DLG2: variants seen among roughly 807,000 people sequenced by gnomAD.
DLG2 encodes the protein discs large MAGUK scaffold protein 2, also known as disks large homolog 2.
A neutral mutation model predicts 132.5 loss-of-function variants in DLG2; 45 were observed. The ratio of observed to expected loss-of-function variants is 0.34; its 90% CI spans 0.27 to 0.44. The LOEUF (loss-of-function observed/expected upper bound fraction) is 0.44. Ranked by LOEUF, DLG2 falls within the 20% of genes least tolerant of loss-of-function variation. The probability of loss-of-function intolerance (pLI) is 1.00; values close to 1 mark genes in which losing one functional copy is unlikely to be tolerated. For synonymous variants in DLG2, 424 were observed against 419.6 expected, an observed-to-expected ratio of 1.01 and a Z score of -0.13; for missense variants, 1,045 against 1,196.9, an observed-to-expected ratio of 0.87 and a Z score of 1.87.
intron 11 of DLG2, among the ~76,000 whole-genome samples, chr11:84,057,205 A>G (rs2096518903): frequency 6.6e-6 from 1 of 152,098 alleles, no homozygotes; most frequent in Non-Finnish European, 1.5e-5. Flanking sequence ...AAGATCTAAA[A>G]TATGTGTTCT....
chr11:85,254,669 G>A (rs1241127502), intron 4 of DLG2, among the ~76,000 whole-genome samples: 1 of 152,164 alleles, frequency 6.6e-6, no homozygotes, highest in Non-Finnish European at 1.5e-5. Flanking sequence ...TTATAACTGA[G>A]GAAATTCATT....
At chr11:84,994,998 A>C (rs1474005049) in intron 6 of DLG2, among the ~76,000 whole-genome samples, 1 of 152,110 alleles carries the variant, frequency 6.6e-6, no homozygotes, top group East Asian at 1.9e-4. Context: ...GAATGCAAGA[A>C]ATCTCCTAGG....
At chr11:85,585,894 GT>G (rs1333542039) in intron 3 of DLG2, among the ~76,000 whole-genome samples, 1 of 151,800 alleles carries the variant, frequency 6.6e-6, no homozygotes, top group South Asian at 2.1e-4. Context: ...TTTTGTATAT[GT>G]TTTTTGTAGT....
chr11:83,999,380 A>G (rs1281683186), intron 11 of DLG2, among the ~76,000 whole-genome samples: 2 of 152,158 alleles, frequency 1.3e-5, no homozygotes, highest in South Asian at 2.1e-4. Flanking sequence ...AGCCCAGCCC[A>G]TCACAGCCAC....
chr11:83,893,852 A>T (rs753373193), intron 15 of DLG2, among the ~76,000 whole-genome samples: 2 of 152,188 alleles, frequency 1.3e-5, no homozygotes, highest in South Asian at 4.1e-4. Flanking sequence ...TGGTTCTTTG[A>T]AATACCTGAG....
At chr11:83,992,840 T>C (rs12789072) in intron 11 of DLG2, among the ~76,000 whole-genome samples, 2 of 152,116 alleles carry the variant, frequency 1.3e-5, no homozygotes, top group African/African-American at 4.8e-5. Context: ...CCATTTACTC[T>C]GGTAACAAGA....
At chr11:85,247,392 T>C (rs1336835989) in intron 4 of DLG2, among the ~76,000 whole-genome samples, 1 of 151,988 alleles carries the variant, frequency 6.6e-6, no homozygotes, top group Non-Finnish European at 1.5e-5. Flanking sequence ...AGGAATATAC[T>C]TTAGGTCTTT....
intron 7 of DLG2, among the ~76,000 whole-genome samples, chr11:84,297,263 G>C (rs910522193): frequency 1.3e-5 from 2 of 152,146 alleles, no homozygotes; most frequent in Non-Finnish European, 2.9e-5. Flanking sequence ...TAGTGAGTGA[G>C]AGAGGCAAGT....
chr11:85,469,867 A>G (rs1360594653), intron 3 of DLG2: 2 of 152,222 alleles, frequency 1.3e-5, no homozygotes, highest in African/African-American at 2.4e-5. Context: ...TAACACAAGC[A>G]GTAAATATGA....
intron 7 of DLG2, among the ~76,000 whole-genome samples, chr11:84,290,345 G>A (rs553381881): frequency 6.6e-6 from 1 of 152,228 alleles, no homozygotes; most frequent in East Asian, 1.9e-4. Flanking sequence ...ATGAAAACAA[G>A]TGAGAAATGT....
At chr11:83,788,342 T>C (rs548623117) in intron 17 of DLG2, among the ~76,000 whole-genome samples, 1 of 152,312 alleles carries the variant, frequency 6.6e-6, no homozygotes, top group African/African-American at 2.4e-5. Context: ...TCTAGTGTGG[T>C]GAACTCCTTA....
intron 3 of DLG2, among the ~76,000 whole-genome samples, chr11:85,466,822 A>G (rs1333766119): frequency 6.6e-6 from 1 of 152,140 alleles, no homozygotes; most frequent in East Asian, 1.9e-4. Context: ...TGAACTTTAA[A>G]GTAGTGTTTT....
intron 3 of DLG2, among the ~76,000 whole-genome samples, chr11:85,372,959 A>T (rs1272009678): frequency 6.6e-6 from 1 of 151,782 alleles, no homozygotes; most frequent in African/African-American, 2.4e-5. Flanking sequence ...AACCCTTGGG[A>T]CTCCTTTAAA....
chr11:84,791,923 A>G (rs1281346147), intron 6 of DLG2, among the ~76,000 whole-genome samples: 1 of 152,096 alleles, frequency 6.6e-6, no homozygotes, highest in African/African-American at 2.4e-5. Flanking sequence ...TGCCTTTTAT[A>G]TCTTTCTATT....
At chr11:83,810,006 A>C (rs1164259686) in intron 17 of DLG2, among the ~76,000 whole-genome samples, 1 of 152,184 alleles carries the variant, frequency 6.6e-6, no homozygotes, top group Non-Finnish European at 1.5e-5. Context: ...CTAAGCAAAT[A>C]ACTATGCATA....
chr11:83,891,780 C>T (rs1284071719), intron 15 of DLG2, among the ~76,000 whole-genome samples: 2 of 152,168 alleles, frequency 1.3e-5, no homozygotes, highest in African/African-American at 4.8e-5. Context: ...TATTATTTTG[C>T]TGGGTTCTAA....
intron 5 of DLG2, among the ~76,000 whole-genome samples, chr11:85,130,053 T>C (rs975047784): frequency 2.0e-5 from 3 of 152,026 alleles, no homozygotes; most frequent in African/African-American, 7.2e-5. Context: ...CCGGGGCCTT[T>C]TGAGGGGTGG....
intron 7 of DLG2, among the ~76,000 whole-genome samples, chr11:84,529,338 G>A (rs886178147): frequency 1.3e-5 from 2 of 152,108 alleles, no homozygotes; most frequent in Admixed American, 6.6e-5. Flanking sequence ...CAAATAGGAA[G>A]AGAAGGGATC....
At chr11:84,637,006 T>TTGAACTCC (rs2099641716) in intron 6 of DLG2, among the ~76,000 whole-genome samples, 1 of 152,064 alleles carries the variant, frequency 6.6e-6, no homozygotes, top group Non-Finnish European at 1.5e-5. Flanking sequence ...CAGGCTGGTC[T>TTGAACTCC]TGAACTCCTG....
Sources: allele counts gnomAD v4.1 joint callset (sites outside exome capture counted in the v4.1 genomes callset), GRCh38; gene constraint gnomAD v4.1.1; transcripts MANE v1.5; gene names NCBI Gene and HGNC (gene_info 2026-07-23, HGNC 2026-07-21).